Variants in COL26A1 observed in about 807,000 individuals in gnomAD.
The protein encoded by COL26A1 is collagen alpha-1(XXVI) chain.
A neutral mutation model predicts 59.3 loss-of-function variants in COL26A1; 41 were observed. The ratio of observed to expected loss-of-function variants is 0.69; its 90% CI spans 0.54 to 0.90. COL26A1 has a LOEUF of 0.90. Among genes scored for constraint, COL26A1 ranks in the 40% least tolerant of loss-of-function variants. COL26A1 has a pLI of 0.00. For synonymous variants in COL26A1, 266 were observed against 256.0 expected, an observed-to-expected ratio of 1.04 and a Z score of -0.37; for missense variants, 612 against 602.3, an observed-to-expected ratio of 1.02 and a Z score of -0.17.
chr7:101,474,332 T>G (rs929609588), intron 3 of COL26A1, among the ~76,000 whole-genome samples: 1 of 151,888 alleles, frequency 6.6e-6, no homozygotes, highest in Non-Finnish European at 1.5e-5. Context: ...TGTGATAGCT[T>G]ATGCCTGTAA....
intron 1 of COL26A1, among the ~76,000 whole-genome samples, chr7:101,411,052 G>A (rs946064015): frequency 6.6e-6 from 1 of 152,166 alleles, no homozygotes; most frequent in African/African-American, 2.4e-5. Flanking sequence ...GTGCTGGGGA[G>A]CTGGGCCTGA....
At chr7:101,389,838 C>A (rs557895210) in intron 1 of COL26A1, among the ~76,000 whole-genome samples, 1 of 152,142 alleles carries the variant, frequency 6.6e-6, no homozygotes, top group South Asian at 2.1e-4. Context: ...CAGGCGTGAG[C>A]CACCGCGTCT....
intron 3 of COL26A1, among the ~76,000 whole-genome samples, chr7:101,448,777 C>T (rs1269809419): frequency 1.3e-5 from 2 of 152,168 alleles, no homozygotes; most frequent in Non-Finnish European, 2.9e-5. Flanking sequence ...CAGGTGTGAA[C>T]CACCTCTCCC....
rs1162597912 is a variant in COL26A1, at chr7:101,362,886, A to G, written c.-147A>G. On this transcript the variant is annotated 5_prime_UTR_variant, in exon 1 of 13. Coordinates refer to ENST00000313669, the MANE Select transcript of COL26A1 (RefSeq NM_001278563.3). ...GGAGAGGCGTGGGCGCCCCCCACAC[A>G]TTTCCAGCTCGCACCCGGGCTCCGA... 3.8e-6 allele frequency: 3 copies of G among 783,104 alleles called. No individual in the cohort carries two copies. Among genetic ancestry groups the G allele is most frequent in the Non-Finnish European group, 5.7e-6 (3 of 526,792 alleles). The allele number at this position is 783,104 out of a possible 1,614,324, so 48.5% of individuals were successfully genotyped here.
rs117127432 is a variant in COL26A1 at position 101,446,242 on chromosome 7, A to G, written c.282-1442A>G. Among the ~76,000 whole-genome samples the G allele has an allele frequency of 2.1e-4, 32 of 152,216 alleles. No individual in the cohort carries two copies. The East Asian group carries it at 5.8e-3, about 28-fold the overall frequency. The stretch of plus-strand genomic sequence containing the variant: ...ACCTAATGCTGGGAATTACATTTCA[A>G]CCTGAGATCTGGAGTTTGGACAAAT... On this transcript the variant is annotated intron_variant, in intron 2 of 12. Coordinates refer to ENST00000313669, the MANE Select transcript of COL26A1 (RefSeq NM_001278563.3).
In COL26A1 at chr7:101,404,780, TGGTTCCAGCTACGCAG is replaced by T. The variant is rs570062941; in HGVS notation, c.159-15195_159-15180del. 4.4e-3 allele frequency among the ~76,000 whole-genome samples: 675 copies of T among 152,246 alleles called. 3 individuals carry two copies. The highest frequency in any genetic ancestry group is 0.016 in the African/African-American group (646 of 41,536). ...AGCTAAGTGTAATGATACGCGCCTG[TGGTTCCAGCTACGCAG>T]GAGGCTGAAGAGGGAGGATTGCTTG... On this transcript the variant is annotated intron_variant, in intron 1 of 12. Coordinates refer to ENST00000313669, the MANE Select transcript of COL26A1 (RefSeq NM_001278563.3).
intron 3 of COL26A1, among the ~76,000 whole-genome samples, chr7:101,498,756 T>A (rs1268139631): frequency 6.6e-6 from 1 of 152,136 alleles, no homozygotes; most frequent in Non-Finnish European, 1.5e-5. Flanking sequence ...CAGGCTTTGG[T>A]GAAATTCAAC....
At chr7:101,437,052 C>T (rs1243156703) in intron 2 of COL26A1, among the ~76,000 whole-genome samples, 2 of 152,214 alleles carry the variant, frequency 1.3e-5, no homozygotes, top group African/African-American at 2.4e-5. Flanking sequence ...ATGCTTCGTT[C>T]TTTCCACCAG....
intron 5 of COL26A1, among the ~76,000 whole-genome samples, chr7:101,541,553 C>T (rs1465573224): frequency 6.6e-5 from 10 of 150,532 alleles, no homozygotes; most frequent in East Asian, 2.0e-4. Context: ...GGTCTCACTG[C>T]GTTGCCAGGC....
chr7:101,487,625 A>C (rs1415130890), intron 3 of COL26A1, among the ~76,000 whole-genome samples: 2 of 151,704 alleles, frequency 1.3e-5, no homozygotes, highest in African/African-American at 4.8e-5. Flanking sequence ...CTCTCCTCCC[A>C]CCTCTGAGAT....
intron 3 of COL26A1, among the ~76,000 whole-genome samples, chr7:101,530,568 A>G (rs1051869002): frequency 2.2e-5 from 3 of 138,782 alleles, no homozygotes; most frequent in Non-Finnish European, 4.7e-5. Context: ...TCTGTCTTTA[A>G]AAAAAAAAAA....
At chr7:101,499,185 A>G (rs1794650228) in intron 3 of COL26A1, among the ~76,000 whole-genome samples, 1 of 152,120 alleles carries the variant, frequency 6.6e-6, no homozygotes, top group Admixed American at 6.5e-5. Flanking sequence ...CTGTGTGTCC[A>G]CAGCCTCGAC....
rs576018619 is a variant in COL26A1 at position 101,366,469 on chromosome 7, G to A, written c.158+3279G>A. Among the ~76,000 whole-genome samples, 7 of 112,730 alleles carry A rather than the reference G, an allele frequency of 6.2e-5. No homozygotes were observed. In the East Asian group the frequency reaches 1.3e-3, roughly 21 times the overall value. The allele number at this position is 112,730 out of a possible 152,430, so 74.0% of individuals were successfully genotyped here. On this transcript the variant is annotated intron_variant, in intron 1 of 12. Coordinates refer to ENST00000313669, the MANE Select transcript of COL26A1 (RefSeq NM_001278563.3). ...TTCATTGTTACTGCTCCTTGTTAAC[G>A]TCTGATTTTTTTTTTTTTTTTTTTT...
chr7:101,528,260 C>T (rs188284065), intron 3 of COL26A1, among the ~76,000 whole-genome samples: 3 of 152,272 alleles, frequency 2.0e-5, no homozygotes, highest in African/African-American at 7.2e-5. Context: ...GAGAGCTGGG[C>T]CTCCCCCTCC....
At chr7:101,401,603 T>G (rs1317827935) in intron 1 of COL26A1, among the ~76,000 whole-genome samples, 1,418 of 95,078 alleles carry the variant, frequency 0.015, no homozygotes, top group African/African-American at 0.018. Context: ...AGAGGAAGAG[T>G]AGGAGGAAGA....
At chr7:101,529,470 T>C (rs184194186) in intron 3 of COL26A1, among the ~76,000 whole-genome samples, 1 of 152,206 alleles carries the variant, frequency 6.6e-6, no homozygotes, top group East Asian at 1.9e-4. Flanking sequence ...GGTTTCACCA[T>C]GTTGGCCAGG....
chr7:101,413,251 G>A (rs1792286293), intron 1 of COL26A1, among the ~76,000 whole-genome samples: 1 of 152,194 alleles, frequency 6.6e-6, no homozygotes, highest in Non-Finnish European at 1.5e-5. Context: ...GGGCGCGGTG[G>A]CTCGTGCCTA....
At chr7:101,498,585 C>T (rs1452123135) in intron 3 of COL26A1, among the ~76,000 whole-genome samples, 1 of 152,174 alleles carries the variant, frequency 6.6e-6, no homozygotes, top group African/African-American at 2.4e-5. Flanking sequence ...CCTTTCTTTG[C>T]ATGAGAAACA....
At chr7:101,492,561 G>C (rs1025950437) in intron 3 of COL26A1, among the ~76,000 whole-genome samples, 3 of 151,450 alleles carry the variant, frequency 2.0e-5, no homozygotes, top group Non-Finnish European at 2.9e-5. Flanking sequence ...GCTGGGTGTG[G>C]TGGTGGGCGC....
Sources: gnomAD v4.1 joint callset for allele counts (sites outside exome capture counted in the v4.1 genomes callset) on GRCh38, gnomAD v4.1.1 for gene constraint, MANE v1.5 for transcripts, NCBI Gene and HGNC (gene_info 2026-07-23, HGNC 2026-07-21) for gene names.